The following LYPD5 variants were observed in gnomAD, a reference collection of about 807,000 sequenced individuals.
The protein encoded by LYPD5 is ly6/PLAUR domain-containing protein 5.
LYPD5 carries 21 observed loss-of-function variants against 19.1 expected under a neutral mutation model. The ratio of observed to expected loss-of-function variants is 1.10; its 90% CI spans 0.78 to 1.58. The LOEUF (loss-of-function observed/expected upper bound fraction) is 1.58. Ranked by LOEUF, LYPD5 falls within the 40% of genes most tolerant of loss-of-function variation. LYPD5 has a pLI of 0.00. For synonymous variants in LYPD5, 128 were observed against 142.7 expected, an observed-to-expected ratio of 0.90 and a Z score of 0.74; for missense variants, 287 against 329.8, an observed-to-expected ratio of 0.87 and a Z score of 1.00.
chr19:43,798,763 C>G, intron 3 of LYPD5, 49 bp downstream of exon 3: 1 of 1,576,760 alleles, frequency 6.3e-7, no homozygotes, highest in Non-Finnish European at 8.6e-7. Context: ...CCGAGGCTGC[C>G]AGGCCTCTCA....
In LYPD5 at chr19:43,797,793, T is replaced by C. The variant is rs1251070845; in HGVS notation, c.554A>G (p.His185Arg). The change falls in exon 5 of 5, where the codon CAC becomes CGC. Residue 185 changes from histidine (H) to arginine (R), a missense_variant. By Grantham distance (29) the His-to-Arg change is conservative. Transcript: ENST00000377950. ...GCCCTCGGTGGTGCAGGAGGGCCGG[T>C]GGCAGGTTCTGATGTACACAGGGAC... Reference protein sequence around the residue: ...FSVPVYIRTCHRPSCTTEGTT... With the variant: ...FSVPVYIRTCRRPSCTTEGTT... 1.2e-6 allele frequency: 2 copies of C among 1,613,500 alleles called. No individual in the cohort carries two copies.
intron 1 of LYPD5, among the ~76,000 whole-genome samples, chr19:43,808,728 C>A (rs901326104): frequency 2.0e-5 from 3 of 152,182 alleles, no homozygotes; most frequent in Non-Finnish European, 2.9e-5. Flanking sequence ...TTGTTTTTCT[C>A]AAAAATTCAT....
At chr19:43,813,780 C>T (rs1191539421) in intron 1 of LYPD5, among the ~76,000 whole-genome samples, 2 of 152,122 alleles carry the variant, frequency 1.3e-5, no homozygotes, top group African/African-American at 4.8e-5. Flanking sequence ...CTCTGCCTCC[C>T]GGGTTCAAGT....
At position 43,797,244 on chromosome 19, in the gene LYPD5, T is replaced by C; in HGVS notation, c.*347A>G. On this transcript the variant is annotated 3_prime_UTR_variant, in exon 5 of 5. Transcript: ENST00000377950. ...ACTAATAAAGACATCATTGTATAGC[T>C]CCCTCCTAGAGCTGCGACAGGCTCT... 3.8e-6 allele frequency: 1 copy of C among 265,844 alleles called. No homozygotes were observed. The highest frequency in any genetic ancestry group is 7.1e-6 in the Non-Finnish European group (1 of 140,082). 16.5% of individuals were successfully genotyped at this position (265,844 alleles called of 1,614,324 possible).
Position 43,798,515 on chromosome 19 carries a change from G to A in LYPD5, c.457C>T (p.Arg153Ter), listed in dbSNP as rs758632707. The A allele has an allele frequency of 4.3e-6, 7 of 1,609,760 alleles. No individual in the cohort carries two copies. The highest frequency in any genetic ancestry group is 1.3e-5 in the African/African-American group (1 of 74,934). ...QDDCAIGRSR[R>*]VQCHQDQTAC... ...GTCTGGTCCTGGTGACACTGGACTC[G>A]TCGGGACCTGCCGATAGCGCAGTCA... The change falls in exon 4 of 5, where the codon CGA becomes TGA. Residue 153 changes from arginine to a stop codon, truncating the protein, a stop_gained. Coordinates refer to ENST00000377950, the MANE Select transcript of LYPD5 (RefSeq NM_001031749.3). LOFTEE classifies it high-confidence loss of function.
At chr19:43,802,466 C>T (rs970474142), upstream of LYPD5, 7 of 1,270,560 alleles carry the variant, frequency 5.5e-6, no homozygotes, top group Non-Finnish European at 6.7e-6. Flanking sequence ...AGCATCCCGG[C>T]CACCCAGCCT....
At chr19:43,799,626 T>C in intron 2 of LYPD5, 80 bp downstream of exon 2, 5 of 1,380,168 alleles carry the variant, frequency 3.6e-6, no homozygotes, top group Non-Finnish European at 5.0e-6. Context: ...TTCTACTCAA[T>C]TCCCCTCCCT....
At position 43,798,476 on chromosome 19, in the gene LYPD5, C is replaced by T. The variant is rs753003572; in HGVS notation, c.496G>A (p.Gly166Ser). 1 of 1,608,458 alleles carries T rather than the reference C, an allele frequency of 6.2e-7. No homozygotes were observed. The highest frequency in any genetic ancestry group is 1.1e-5 in the South Asian group (1 of 91,086). ...TTACCAACTGTCATTCTGCCATTGC[C>T]CTGGAAGCAGGCGGTCTGGTCCTGG... ...CHQDQTACFQ[G>S]NGRMTVGNFS... Residue 166 changes from glycine (G) to serine (S), a missense_variant, in exon 4 of 5, where the codon GGC becomes AGC. By Grantham distance (56) the Gly-to-Ser change is moderately conservative. Coordinates refer to ENST00000377950, the MANE Select transcript of LYPD5 (RefSeq NM_001031749.3).
chr19:43,811,902 G>A (rs1373801378), intron 1 of LYPD5, among the ~76,000 whole-genome samples: 1 of 152,120 alleles, frequency 6.6e-6, no homozygotes, highest in Non-Finnish European at 1.5e-5. Context: ...CAAGCAAAAT[G>A]TAGGGGCTTA....
chr19:43,817,737 A>G (rs1970385265), intron 1 of LYPD5, among the ~76,000 whole-genome samples: 1 of 144,264 alleles, frequency 6.9e-6, no homozygotes. Context: ...TTTTTTTTTG[A>G]GATGGAGTCT....
At chr19:43,811,654 C>A (rs1038320418) in intron 1 of LYPD5, among the ~76,000 whole-genome samples, 1 of 150,048 alleles carries the variant, frequency 6.7e-6, no homozygotes, top group African/African-American at 2.5e-5. Flanking sequence ...CCACTGCCCT[C>A]TAGCCTGGGT....
At chr19:43,802,630 A>C (rs62116994), upstream of LYPD5, among the ~76,000 whole-genome samples, 44,718 of 151,702 alleles carry the variant, frequency 0.29, 7,146 homozygotes, top group Non-Finnish European at 0.38. Flanking sequence ...ATTTTGAATG[A>C]TTGGTGTCTT....
intron 1 of LYPD5, among the ~76,000 whole-genome samples, chr19:43,808,361 C>A (rs1282153097): frequency 6.6e-6 from 1 of 152,228 alleles, no homozygotes; most frequent in Admixed American, 6.5e-5. Context: ...TGGCCTCAGC[C>A]TCCCAAAGCA....
chr19:43,804,897 G>A (rs988673472), upstream of LYPD5, among the ~76,000 whole-genome samples: 2 of 152,184 alleles, frequency 1.3e-5, no homozygotes, highest in African/African-American at 4.8e-5. Flanking sequence ...GAGGCTTACA[G>A]GGTAGGCAGA....
At chr19:43,799,663 C>T (rs1186404367) in intron 2 of LYPD5, 43 bp downstream of exon 2, 4 of 1,567,392 alleles carry the variant, frequency 2.6e-6, no homozygotes, top group Admixed American at 2.0e-5. Context: ...CCCCTTTTTC[C>T]TCCCTAATCT....
chr19:43,819,029 A>G (rs951363936), intron 1 of LYPD5, among the ~76,000 whole-genome samples: 5 of 151,948 alleles, frequency 3.3e-5, no homozygotes, highest in African/African-American at 9.7e-5. Context: ...TTCTTTCTTA[A>G]TATTATTTGT....
intron 1 of LYPD5, 189 bp from the exon 2 acceptor site, chr19:43,800,023 C>T: frequency 1.6e-6 from 1 of 618,166 alleles, no homozygotes; most frequent in Non-Finnish European, 2.6e-6. Flanking sequence ...AGAGTAATGA[C>T]CTCTCTGCAG....
chr19:43,803,531 G>A (rs550207118), upstream of LYPD5, among the ~76,000 whole-genome samples: 1 of 152,306 alleles, frequency 6.6e-6, no homozygotes, highest in African/African-American at 2.4e-5. Flanking sequence ...ACATCTGGAT[G>A]GCAGAGTCCA....
chr19:43,817,468 T>G (rs936657148), intron 1 of LYPD5, among the ~76,000 whole-genome samples: 5 of 152,152 alleles, frequency 3.3e-5, no homozygotes, highest in Non-Finnish European at 7.3e-5. Flanking sequence ...AGCTGCAAAG[T>G]CATGTTGCAA....
Sources: allele counts gnomAD v4.1 joint callset (sites outside exome capture counted in the v4.1 genomes callset), GRCh38; gene constraint gnomAD v4.1.1; transcripts MANE v1.5; gene names NCBI Gene and HGNC (gene_info 2026-07-23, HGNC 2026-07-21).